The following STAT5B variants were observed in gnomAD, a reference collection of about 807,000 sequenced individuals.
STAT5B encodes transcription factor STAT5B.
STAT5B carries 21 observed loss-of-function variants against 107.8 expected under a neutral mutation model. That is an observed-to-expected ratio of 0.19 (90% CI 0.14 to 0.28). The LOEUF (loss-of-function observed/expected upper bound fraction) is 0.28. Among genes scored for constraint, STAT5B ranks in the 10% least tolerant of loss-of-function variants. The probability of loss-of-function intolerance (pLI) is 1.00; values close to 1 mark genes in which losing one functional copy is unlikely to be tolerated. For missense variants in STAT5B, 565 were observed against 1,008.2 expected (o/e 0.56, Z 5.95); for synonymous variants, 325 against 401.7 (o/e 0.81, Z 2.28).
Position 42,247,966 on chromosome 17 carries a change from AT to A in STAT5B, c.-10-15830del, listed in dbSNP as rs1331938762. 3.5e-4 allele frequency among the ~76,000 whole-genome samples: 53 copies of A among 149,374 alleles called. 1 individual carries two copies. Among genetic ancestry groups the A allele is most frequent in the African/African-American group, 1.2e-3 (51 of 40,802 alleles). On this transcript the variant is annotated intron_variant, in intron 1 of 18. Transcript: ENST00000293328. ...GACTCATTCTCTAAAAAAAAAAAAA[AT>A]GTATGAGAAAAAGAAGAAGATAATT...
chr17:42,249,899 C>T (rs987962642), intron 1 of STAT5B, among the ~76,000 whole-genome samples: 1 of 152,056 alleles, frequency 6.6e-6, no homozygotes. Context: ...TGAACTCAAG[C>T]GCTCCACCCA....
upstream of STAT5B, among the ~76,000 whole-genome samples, chr17:42,278,046 G>C (rs545803097): frequency 6.6e-6 from 1 of 152,086 alleles, no homozygotes; most frequent in Non-Finnish European, 1.5e-5. Context: ...ATCAGCCACC[G>C]CACCTGACTC....
chr17:42,217,618 T>C (rs1276413706), intron 9 of STAT5B, 154 bp from the exon 10 acceptor site: 1 of 757,798 alleles, frequency 1.3e-6, no homozygotes, highest in African/African-American at 1.7e-5. Context: ...ATACATGTAA[T>C]CTTCTCGGAC....
chr17:42,221,653 CCTT>C (rs1396263093), intron 5 of STAT5B, among the ~76,000 whole-genome samples: 1 of 152,150 alleles, frequency 6.6e-6, no homozygotes, highest in Non-Finnish European at 1.5e-5. Context: ...AAGGAGCTGC[CCTT>C]CTTCTAGGGC....
chr17:42,263,952 G>A (rs1357981038), intron 1 of STAT5B, among the ~76,000 whole-genome samples: 1 of 150,978 alleles, frequency 6.6e-6, no homozygotes, highest in Admixed American at 6.6e-5. Flanking sequence ...TTCAGCGCCT[G>A]TTCTTTTTTC....
At chr17:42,287,736 C>G in the STAT5B span, 1 of 152,236 alleles carries the variant, frequency 6.6e-6, no homozygotes, top group Non-Finnish European at 1.5e-5. Context: ...CTGTGTGGCC[C>G]TGGGTGGCCC....
chr17:42,241,106 A>G (rs1384716088), intron 1 of STAT5B, among the ~76,000 whole-genome samples: 1 of 151,892 alleles, frequency 6.6e-6, no homozygotes, highest in Non-Finnish European at 1.5e-5. Flanking sequence ...TGTGAGGCAG[A>G]GGCGGGCAGA....
chr17:42,237,360 T>C (rs1347543585), intron 1 of STAT5B, among the ~76,000 whole-genome samples: 1 of 152,200 alleles, frequency 6.6e-6, no homozygotes, highest in Non-Finnish European at 1.5e-5. Flanking sequence ...TTGGAATAAT[T>C]TTGTCTCAGT....
intron 13 of STAT5B, among the ~76,000 whole-genome samples, chr17:42,211,273 C>T (rs536433587): frequency 3.0e-4 from 46 of 151,372 alleles, no homozygotes; most frequent in Non-Finnish European, 4.4e-4. Flanking sequence ...TTTGGGAGGC[C>T]GAGGCGGGCA....
chr17:42,248,664 T>C lies in STAT5B; in HGVS notation c.-10-16527A>G, dbSNP rs139592102. 2.0e-3 allele frequency among the ~76,000 whole-genome samples: 307 copies of C among 152,336 alleles called. 1 individual carries two copies. Among genetic ancestry groups the C allele is most frequent in the African/African-American group, 7.1e-3 (297 of 41,582 alleles). ...ACAGATGCACTGAAAGGCTCCCACC[T>C]CTTAACTAACAGCTTATGCTGCAAG... is the stretch of plus-strand genomic sequence containing the variant. On this transcript the variant is annotated intron_variant, in intron 1 of 18. Coordinates refer to ENST00000293328, the MANE Select transcript of STAT5B (RefSeq NM_012448.4).
chr17:42,286,911 T>C, the STAT5B span, among the ~76,000 whole-genome samples: 1 of 152,188 alleles, frequency 6.6e-6, no homozygotes, highest in Non-Finnish European at 1.5e-5. Flanking sequence ...TATGGTCACT[T>C]CCAGCTGTGG....
chr17:42,217,477 G>C lies in STAT5B; in HGVS notation c.1170-13C>G, dbSNP rs2080182111. The C allele has an allele frequency of 6.2e-7, 1 of 1,614,010 alleles. No homozygotes were observed. Among genetic ancestry groups the C allele is most frequent in the Non-Finnish European group, 8.5e-7 (1 of 1,180,006 alleles). ...GCCACTGTAATCACTGCAAATCAGA[G>C]AGAGACCAGCTCCAAACCCATGCCA... On this transcript the variant is annotated splice_polypyrimidine_tract_variant and intron_variant, in intron 9 of 18. Transcript: ENST00000293328.
At chr17:42,285,527 A>G in the STAT5B span, among the ~76,000 whole-genome samples, 1 of 152,230 alleles carries the variant, frequency 6.6e-6, no homozygotes, top group Non-Finnish European at 1.5e-5. Flanking sequence ...GACCCTTGAC[A>G]GTTTCTGATC....
chr17:42,236,867 G>A (rs2080360727), intron 1 of STAT5B, among the ~76,000 whole-genome samples: 1 of 152,026 alleles, frequency 6.6e-6, no homozygotes, highest in Admixed American at 6.6e-5. Flanking sequence ...TCTAGCCATC[G>A]AACGCTACTC....
the STAT5B span, among the ~76,000 whole-genome samples, chr17:42,284,471 TG>T: frequency 7.2e-5 from 11 of 152,256 alleles, no homozygotes; most frequent in Non-Finnish European, 1.6e-4. Flanking sequence ...TTCACCATAT[TG>T]GCCAGGCTGA....
At chr17:42,223,838 T>C (rs1346241795) in intron 4 of STAT5B, among the ~76,000 whole-genome samples, 3 of 152,114 alleles carry the variant, frequency 2.0e-5, no homozygotes, top group Admixed American at 2.0e-4. Context: ...TTGAATTACC[T>C]TTGGAGAAAC....
intron 1 of STAT5B, among the ~76,000 whole-genome samples, chr17:42,265,796 TC>T (rs1353660252): frequency 6.6e-6 from 1 of 152,208 alleles, no homozygotes; most frequent in Non-Finnish European, 1.5e-5. Flanking sequence ...ATATTTTTAG[TC>T]TTCATAAATC....
At chr17:42,234,748 G>A (rs966356650) in intron 1 of STAT5B, 4 of 152,232 alleles carry the variant, frequency 2.6e-5, no homozygotes, top group African/African-American at 9.6e-5. Context: ...TATAATTCCA[G>A]CTACTTGGGA....
chr17:42,216,667 T>C (rs1019894857), intron 11 of STAT5B, among the ~76,000 whole-genome samples: 7 of 151,856 alleles, frequency 4.6e-5, no homozygotes, highest in Admixed American at 2.6e-4. Context: ...TGTGAGCCAC[T>C]GCACTGGGCC....
Sources: allele counts gnomAD v4.1 joint callset (sites outside exome capture counted in the v4.1 genomes callset), GRCh38; gene constraint gnomAD v4.1.1; transcripts MANE v1.5; gene names NCBI Gene and HGNC (gene_info 2026-07-23, HGNC 2026-07-21).